Variants in WWOX observed in about 807,000 individuals in gnomAD.
WWOX encodes the protein WW domain-containing oxidoreductase.
WWOX carries 69 observed loss-of-function variants against 46.2 expected under a neutral mutation model. The ratio of observed to expected loss-of-function variants is 1.49; its 90% CI spans 1.23 to 1.82. WWOX has a LOEUF of 1.82. Ranked by LOEUF, WWOX falls within the 40% of genes most tolerant of loss-of-function variation. The pLI, the probability that WWOX is intolerant of heterozygous loss-of-function variation, is 0.00. For synonymous variants in WWOX, 359 were observed against 202.6 expected (o/e 1.77, Z -6.56); for missense variants, 919 against 542.6 (o/e 1.69, Z -6.89).
At chr16:78,916,386 A>T (rs1257278862) in intron 8 of WWOX, among the ~76,000 whole-genome samples, 3 of 152,204 alleles carry the variant, frequency 2.0e-5, no homozygotes, top group Non-Finnish European at 4.4e-5. Flanking sequence ...TTAATCCCCC[A>T]AAAGTCAAAC....
rs190360999 is a variant in WWOX at position 78,589,729 on chromosome 16, G to A, written c.1056+156977G>A. 1.4e-4 allele frequency among the ~76,000 whole-genome samples: 21 copies of A among 152,314 alleles called. No individual in the cohort carries two copies. In the East Asian group the frequency reaches 3.7e-3, roughly 27 times the overall value. The stretch of plus-strand genomic sequence containing the variant: ...AAGGTAAAACTGTAGCTTACAGTGT[G>A]CGACTGTTTACCTTCTTTTGGTTTC... On this transcript the variant is annotated intron_variant, in intron 8 of 8. Coordinates refer to ENST00000566780, the MANE Select transcript of WWOX (RefSeq NM_016373.4).
At chr16:78,766,123 C>G (rs549308253) in intron 8 of WWOX, among the ~76,000 whole-genome samples, 1 of 152,306 alleles carries the variant, frequency 6.6e-6, no homozygotes, top group African/African-American at 2.4e-5. Flanking sequence ...CACATACCGT[C>G]CCCTGATAGT....
rs555950706 is a variant in WWOX, at chr16:78,156,675, G to A, written c.410-7508G>A. Among the ~76,000 whole-genome samples, 4 of 152,296 alleles carry A rather than the reference G, an allele frequency of 2.6e-5. No homozygotes were observed. In the East Asian group the frequency reaches 5.8e-4, roughly 22 times the overall value. On this transcript the variant is annotated intron_variant, in intron 4 of 8. Transcript: ENST00000566780. ...GTGGTGGCTCACGCCTGTAATCCCA[G>A]CACTTTGGGAGGTCGAGGTGGGTGG...
chr16:78,962,796 C>G (rs2046296023), intron 8 of WWOX, among the ~76,000 whole-genome samples: 1 of 152,178 alleles, frequency 6.6e-6, no homozygotes. Flanking sequence ...GTTCCCCTTT[C>G]TAAGCAAGAA....
At chr16:78,849,293 G>A (rs148065223) in intron 8 of WWOX, among the ~76,000 whole-genome samples, 10 of 152,214 alleles carry the variant, frequency 6.6e-5, no homozygotes, top group African/African-American at 1.9e-4. Context: ...ACGACAGGCC[G>A]GGCGCGGTGG....
At chr16:79,007,977 T>A (rs1167311130) in intron 8 of WWOX, among the ~76,000 whole-genome samples, 2 of 152,216 alleles carry the variant, frequency 1.3e-5, no homozygotes, top group Admixed American at 6.5e-5. Context: ...ACAAATTTAG[T>A]ATATTTGTTA....
intron 8 of WWOX, among the ~76,000 whole-genome samples, chr16:78,732,346 C>G (rs946297803): frequency 6.6e-6 from 1 of 152,028 alleles, no homozygotes; most frequent in Non-Finnish European, 1.5e-5. Flanking sequence ...CTCAATCTAG[C>G]GTAGGTAGGA....
rs532996618 is a variant in WWOX, at chr16:78,608,170, G to A, written c.1056+175418G>A. The stretch of plus-strand genomic sequence containing the variant: ...GGTCGTACGTTGACCATGCCACGGG[G>A]CCCTTCCTGGTAAATCTAAGCAGAA... On this transcript the variant is annotated intron_variant, in intron 8 of 8. Transcript: ENST00000566780. 4.6e-5 allele frequency among the ~76,000 whole-genome samples: 7 copies of A among 152,194 alleles called. No homozygotes were observed. In the South Asian group the frequency reaches 1.5e-3, roughly 32 times the overall value.
At chr16:79,019,497 T>G (rs2047488369) in intron 8 of WWOX, among the ~76,000 whole-genome samples, 1 of 152,130 alleles carries the variant, frequency 6.6e-6, no homozygotes, top group Admixed American at 6.6e-5. Flanking sequence ...TTATAATCTT[T>G]GGGACAGCCA....
At chr16:78,500,598 G>C (rs1200703517) in intron 8 of WWOX, among the ~76,000 whole-genome samples, 1 of 152,132 alleles carries the variant, frequency 6.6e-6, no homozygotes, top group East Asian at 1.9e-4. Context: ...CTATGACTGA[G>C]GGTAGGGTAG....
chr16:78,305,503 C>G (rs896568038), intron 5 of WWOX, among the ~76,000 whole-genome samples: 1 of 152,070 alleles, frequency 6.6e-6, no homozygotes, highest in Non-Finnish European at 1.5e-5. Flanking sequence ...AATCTTTCCC[C>G]CTGAGTTCCC....
chr16:78,222,397 G>GGACA (rs2151799006), intron 5 of WWOX, among the ~76,000 whole-genome samples: 1 of 151,888 alleles, frequency 6.6e-6, no homozygotes, highest in Admixed American at 6.6e-5. Flanking sequence ...ACAGAACTTG[G>GGACA]GACAACCTGT....
intron 8 of WWOX, among the ~76,000 whole-genome samples, chr16:78,965,969 G>C (rs1401484990): frequency 6.6e-6 from 1 of 152,190 alleles, no homozygotes; most frequent in Admixed American, 6.5e-5. Flanking sequence ...GGAGGAAGGA[G>C]ATGCTGTGAT....
chr16:78,182,516 G>T (rs1424895994), intron 5 of WWOX, among the ~76,000 whole-genome samples: 1 of 151,836 alleles, frequency 6.6e-6, no homozygotes, highest in African/African-American at 2.4e-5. Flanking sequence ...CTGTTCAAGG[G>T]TATCTTTCCC....
intron 8 of WWOX, among the ~76,000 whole-genome samples, chr16:78,782,301 A>G (rs1273121943): frequency 6.6e-6 from 1 of 152,100 alleles, no homozygotes; most frequent in Non-Finnish European, 1.5e-5. Context: ...AGCTTTTTCA[A>G]GAACCTTCTT....
At chr16:79,040,703 A>G (rs16949354) in intron 8 of WWOX, among the ~76,000 whole-genome samples, 9,395 of 152,108 alleles carry the variant, frequency 0.062, 460 homozygotes, top group East Asian at 0.21. Context: ...CAAAAGAGTC[A>G]CAGATCATTG....
intron 6 of WWOX, among the ~76,000 whole-genome samples, chr16:78,396,349 A>G (rs2082286508): frequency 6.6e-6 from 1 of 152,232 alleles, no homozygotes; most frequent in African/African-American, 2.4e-5. Context: ...AAAAGTCATC[A>G]CTGCCAAGAC....
chr16:78,306,096 G>A (rs865782195), intron 5 of WWOX, among the ~76,000 whole-genome samples: 3 of 151,764 alleles, frequency 2.0e-5, no homozygotes, highest in East Asian at 1.9e-4. Context: ...TTTGCGTCTC[G>A]CTGCCTGTCT....
chr16:79,192,620 C>G (rs2051159290), intron 8 of WWOX, among the ~76,000 whole-genome samples: 1 of 152,182 alleles, frequency 6.6e-6, no homozygotes. Flanking sequence ...ACCCCTAAAA[C>G]TGATTTGTGT....
Sources: allele counts gnomAD v4.1 joint callset (sites outside exome capture counted in the v4.1 genomes callset), GRCh38; gene constraint gnomAD v4.1.1; transcripts MANE v1.5; gene names NCBI Gene and HGNC (gene_info 2026-07-23, HGNC 2026-07-21).